Variants in CASR observed in about 807,000 individuals in gnomAD.
CASR encodes extracellular calcium-sensing receptor.
In CASR, 23 loss-of-function variants were observed where a neutral mutation model predicts 69.1. The observed-to-expected ratio is 0.33, with a 90% CI of 0.24 to 0.47. CASR has a LOEUF of 0.47. CASR is among the 20% of genes least tolerant of loss of function. The probability of loss-of-function intolerance (pLI) is 1.00; values close to 1 mark genes in which losing one functional copy is unlikely to be tolerated. For missense variants in CASR, 924 were observed against 1,356.1 expected, an observed-to-expected ratio of 0.68 and a Z score of 5.00; for synonymous variants, 541 against 544.7, an observed-to-expected ratio of 0.99 and a Z score of 0.10.
intron 1 of CASR, among the ~76,000 whole-genome samples, chr3:122,252,344 G>GAAAGAAAGAAAGAAAGA (rs1553765605): frequency 2.1e-4 from 10 of 48,226 alleles, no homozygotes; most frequent in African/African-American, 6.9e-4. Context: ...GAGAAAGAAA[G>GAAAGAAAGAAAGAAAGA]AAGAAAGAAA....
At chr3:122,247,656 A>C (rs925345519) in intron 1 of CASR, 2 of 152,244 alleles carry the variant, frequency 1.3e-5, no homozygotes, top group Admixed American at 1.3e-4. Flanking sequence ...CCGGCAGTAC[A>C]CACAAGTATG....
chr3:122,193,346 A>G (rs1274446222), intron 1 of CASR, among the ~76,000 whole-genome samples: 1 of 151,956 alleles, frequency 6.6e-6, no homozygotes, highest in Non-Finnish European at 1.5e-5. Flanking sequence ...CCTCCCAAGT[A>G]GCTGAGATTA....
intron 1 of CASR, among the ~76,000 whole-genome samples, chr3:122,230,653 C>T (rs2074270288): frequency 6.6e-6 from 1 of 152,196 alleles, no homozygotes; most frequent in South Asian, 2.1e-4. Context: ...AGAGAGCCCA[C>T]TTCCAAATCC....
At chr3:122,243,616 G>A (rs1376178297) in intron 1 of CASR, among the ~76,000 whole-genome samples, 2 of 152,032 alleles carry the variant, frequency 1.3e-5, no homozygotes, top group East Asian at 1.9e-4. Context: ...ACTGTTTGGA[G>A]GCCCCTCAAA....
Position 122,243,846 on chromosome 3 carries a change from TAAAAA to T in CASR, c.-242-10095_-242-10091del, listed in dbSNP as rs61140236. On this transcript the variant is annotated intron_variant, in intron 1 of 6. Transcript: ENST00000639785. ...AACACAATGGAGTACTATTCCATCA[TAAAAA>T]AAAAAATGAGATCCTGTCATTTGCA... Among the ~76,000 whole-genome samples, 352 of 147,484 alleles carry T rather than the reference TAAAAA, an allele frequency of 2.4e-3. 6 individuals are homozygous for T. The East Asian group carries it at 0.062, about 26-fold the overall frequency.
chr3:122,246,813 G>A (rs1400620925), intron 1 of CASR: 2 of 152,204 alleles, frequency 1.3e-5, no homozygotes, highest in Admixed American at 6.5e-5. Flanking sequence ...GACACTGTGT[G>A]AGGTCAGGAG....
At position 122,261,875 on chromosome 3, in the gene CASR, C is replaced by T. The variant is rs201366476; in HGVS notation, c.840C>T (p.Ile280=). ...FSSGPDLEPL[I]KEIVRRNITG... ...GTGGCCCAGATCTTGAGCCCCTCAT[C>T]AAGGAGATTGTCCGGCGCAATATCA... Residue 280 remains isoleucine, a synonymous_variant, in exon 4 of 7, where the codon ATC becomes ATT. Transcript: ENST00000639785. 1 of 1,614,234 alleles carries T rather than the reference C, an allele frequency of 6.2e-7. No individual in the cohort carries two copies. Among genetic ancestry groups the T allele is most frequent in the East Asian group, 2.2e-5 (1 of 44,882 alleles).
At chr3:122,257,834 G>A (rs2074572968) in intron 3 of CASR, among the ~76,000 whole-genome samples, 1 of 152,202 alleles carries the variant, frequency 6.6e-6, no homozygotes, top group Non-Finnish European at 1.5e-5. Flanking sequence ...GAGGGAAGCA[G>A]AGCATATTTT....
intron 5 of CASR, 27 bp downstream of exon 5, chr3:122,276,069 A>T (rs750141663): frequency 2.0e-5 from 29 of 1,429,448 alleles, no homozygotes; most frequent in Admixed American, 1.5e-4. Context: ...AGAAAACCAG[A>T]TGTCTCCACC....
chr3:122,228,550 G>A (rs1006866706), intron 1 of CASR, among the ~76,000 whole-genome samples: 3 of 152,178 alleles, frequency 2.0e-5, no homozygotes, highest in South Asian at 4.1e-4. Context: ...CACCTCATGT[G>A]TTTCAGCTAC....
chr3:122,211,208 C>T (rs2074061717), intron 1 of CASR, among the ~76,000 whole-genome samples: 1 of 145,836 alleles, frequency 6.9e-6, no homozygotes, highest in African/African-American at 2.4e-5. Flanking sequence ...ATGTCAAAAG[C>T]AATTGCAACA....
chr3:122,275,379 G>T lies in CASR; in HGVS notation c.1378-433G>T, dbSNP rs552337168. ...AGCAGCAGGATCATAGGAAAGGAAA[G>T]TGCGGAGAATAAGAGCACTCAGTCA... On this transcript the variant is annotated intron_variant, in intron 4 of 6. Transcript: ENST00000639785. 4.6e-5 allele frequency among the ~76,000 whole-genome samples: 7 copies of T among 152,346 alleles called. No individual in the cohort carries two copies. In the East Asian group the frequency reaches 1.3e-3, roughly 29 times the overall value.
intron 4 of CASR, among the ~76,000 whole-genome samples, chr3:122,268,489 C>T (rs1339774308): frequency 6.6e-6 from 1 of 152,182 alleles, no homozygotes; most frequent in African/African-American, 2.4e-5. Context: ...CAGTGGTTTC[C>T]AAGTGAAGAC....
chr3:122,196,365 A>C (rs1349357529), intron 1 of CASR, among the ~76,000 whole-genome samples: 2 of 152,230 alleles, frequency 1.3e-5, no homozygotes, highest in Non-Finnish European at 2.9e-5. Context: ...TAGGACATGA[A>C]TATGTAACAT....
intron 5 of CASR, among the ~76,000 whole-genome samples, chr3:122,279,969 A>G (rs1181193753): frequency 2.0e-5 from 3 of 152,006 alleles, no homozygotes; most frequent in Admixed American, 6.5e-5. Flanking sequence ...CCCTTTCCCA[A>G]CAGGCCCCAG....
intron 1 of CASR, among the ~76,000 whole-genome samples, chr3:122,198,375 T>C (rs2073909988): frequency 6.6e-6 from 1 of 152,234 alleles, no homozygotes; most frequent in Non-Finnish European, 1.5e-5. Flanking sequence ...TTTTGACTCA[T>C]GCATACTGTG....
chr3:122,239,360 G>A (rs542580086), intron 1 of CASR, among the ~76,000 whole-genome samples: 18 of 152,342 alleles, frequency 1.2e-4, no homozygotes, highest in African/African-American at 4.3e-4. Flanking sequence ...CAGTGAGAAG[G>A]ACTTTGTCTT....
intron 1 of CASR, among the ~76,000 whole-genome samples, chr3:122,221,668 C>A (rs2074173146): frequency 6.6e-6 from 1 of 152,176 alleles, no homozygotes; most frequent in African/African-American, 2.4e-5. Flanking sequence ...ACACAAATCT[C>A]TAGTACACCA....
chr3:122,268,400 C>G (rs1436592747), intron 4 of CASR, among the ~76,000 whole-genome samples: 1 of 152,140 alleles, frequency 6.6e-6, no homozygotes, highest in Admixed American at 6.5e-5. Context: ...CCAAAGAGGC[C>G]AAAGGAGTTG....
Sources: gnomAD v4.1 joint callset for allele counts (sites outside exome capture counted in the v4.1 genomes callset) on GRCh38, gnomAD v4.1.1 for gene constraint, MANE v1.5 for transcripts, NCBI Gene and HGNC (gene_info 2026-07-23, HGNC 2026-07-21) for gene names.